The following DCLK2 variants were observed in gnomAD, a reference collection of about 807,000 sequenced individuals.
DCLK2 encodes doublecortin like kinase 2.
In DCLK2, 31 loss-of-function variants were observed where a neutral mutation model predicts 78.4. That is an observed-to-expected ratio of 0.40 (90% CI 0.30 to 0.53). DCLK2 has a LOEUF of 0.53. DCLK2 is among the 20% of genes least tolerant of loss of function. The pLI is 0.61. For missense variants in DCLK2, 872 were observed against 973.7 expected (o/e 0.90, Z 1.39); for synonymous variants, 407 against 374.9 (o/e 1.09, Z -0.99).
intron 2 of DCLK2, 29 bp downstream of exon 2, chr4:150,102,841 A>G: frequency 1.3e-6 from 2 of 1,558,688 alleles, no homozygotes; most frequent in Non-Finnish European, 8.6e-7. Flanking sequence ...CCAGCTCTCC[A>G]TCTGACTTTT....
chr4:150,158,267 C>T (rs1312610786), intron 2 of DCLK2, among the ~76,000 whole-genome samples: 1 of 152,132 alleles, frequency 6.6e-6, no homozygotes, highest in Non-Finnish European at 1.5e-5. Context: ...GGACACTGGT[C>T]ACATTGGATT....
intron 1 of DCLK2, among the ~76,000 whole-genome samples, chr4:150,091,972 C>T (rs1730114294): frequency 6.6e-6 from 1 of 152,122 alleles, no homozygotes; most frequent in Non-Finnish European, 1.5e-5. Flanking sequence ...CCCATTTTCT[C>T]TTCCCCTCAC....
chr4:150,200,931 C>T (rs1479466299), intron 4 of DCLK2, among the ~76,000 whole-genome samples: 2 of 152,206 alleles, frequency 1.3e-5, no homozygotes. Flanking sequence ...GATTCTCCTG[C>T]CTCAGCCTCC....
intron 4 of DCLK2, among the ~76,000 whole-genome samples, chr4:150,201,481 G>A (rs1739448164): frequency 6.6e-6 from 1 of 152,162 alleles, no homozygotes; most frequent in South Asian, 2.1e-4. Context: ...TAAAAACTTA[G>A]GGGACTATAT....
intron 2 of DCLK2, among the ~76,000 whole-genome samples, chr4:150,179,575 A>G (rs889137847): frequency 2.5e-4 from 38 of 152,218 alleles, no homozygotes; most frequent in Admixed American, 6.5e-5. Context: ...TATGCTAAAC[A>G]GACACCAAAA....
In DCLK2 at chr4:150,140,950, C is replaced by G. The variant is rs541297234; in HGVS notation, c.756+38138C>G. Among the ~76,000 whole-genome samples the G allele has an allele frequency of 3.3e-4, 50 of 152,208 alleles. 1 individual carries two copies. Among genetic ancestry groups the G allele is most frequent in the African/African-American group, 1.2e-3 (48 of 41,536 alleles). ...TTTCCTACAAAACAGTCTACCTAGC[C>G]AGGGGAAAGAATAATGCCACTTCAT... On this transcript the variant is annotated intron_variant, in intron 2 of 15. Transcript: ENST00000296550.
At chr4:150,094,491 G>A (rs565918426) in intron 1 of DCLK2, among the ~76,000 whole-genome samples, 4 of 152,308 alleles carry the variant, frequency 2.6e-5, no homozygotes, top group African/African-American at 9.6e-5. Context: ...GATACTGGTA[G>A]GTACTTGGTG....
At chr4:150,128,683 T>C (rs2150193553) in intron 2 of DCLK2, among the ~76,000 whole-genome samples, 1 of 152,246 alleles carries the variant, frequency 6.6e-6, no homozygotes, top group East Asian at 1.9e-4. Flanking sequence ...TTATTCCAGA[T>C]AGGAAGCAGA....
At chr4:150,112,694 C>T (rs181033664) in intron 2 of DCLK2, among the ~76,000 whole-genome samples, 47 of 151,774 alleles carry the variant, frequency 3.1e-4, no homozygotes, top group Non-Finnish European at 4.7e-4. Flanking sequence ...TTGAGATGCT[C>T]ATATTTTTTT....
Position 150,249,568 on chromosome 4 carries a change from G to T in DCLK2, c.1957G>T (p.Asp653Tyr). The change falls in exon 15 of 16, where the codon GAT (aspartate) becomes TAT (tyrosine). Residue 653 changes from aspartate (D) to tyrosine (Y), a missense_variant and splice_region_variant. Asp to Tyr is a radical substitution (Grantham distance 160, BLOSUM62 -3). Around this residue, in one of 3 missense-constraint regions of DCLK2, gnomAD observed 219 missense variants for 230.1 expected, o/e 0.95. Transcript: ENST00000296550. ...TATTTGATTGTTTTCTTTCCTGTAG[G>T]ATGATGCCTCCCAGGAGAATAACAT... The part of the protein sequence containing the change: ...GQILSHPWVS[D>Y]DASQENNMQA... The T allele has an allele frequency of 6.2e-7, 1 of 1,612,830 alleles. No individual in the cohort carries two copies. The highest frequency in any genetic ancestry group is 8.5e-7 in the Non-Finnish European group (1 of 1,179,158).
chr4:150,232,250 G>A, intron 8 of DCLK2, 87 bp from the exon 9 acceptor site: 2 of 1,499,054 alleles, frequency 1.3e-6, no homozygotes, highest in Non-Finnish European at 1.8e-6. Context: ...AGATCCACAG[G>A]CTGTGTTTGT....
At chr4:150,229,424 G>C (rs1347010697) in intron 8 of DCLK2, among the ~76,000 whole-genome samples, 3 of 152,170 alleles carry the variant, frequency 2.0e-5, no homozygotes, top group Admixed American at 1.3e-4. Context: ...TGGATTCAGA[G>C]GCCACCAAGG....
chr4:150,202,660 G>A (rs999358459), intron 4 of DCLK2, among the ~76,000 whole-genome samples: 5 of 151,914 alleles, frequency 3.3e-5, no homozygotes, highest in African/African-American at 7.3e-5. Context: ...AATAGTTGTC[G>A]CTCTCTCATC....
intron 2 of DCLK2, among the ~76,000 whole-genome samples, chr4:150,176,761 T>C (rs959550231): frequency 6.6e-6 from 1 of 152,156 alleles, no homozygotes. Flanking sequence ...TCTAATCTTA[T>C]GACATGAGTT....
intron 2 of DCLK2, among the ~76,000 whole-genome samples, chr4:150,153,952 C>T (rs148098316): frequency 6.6e-6 from 1 of 152,122 alleles, no homozygotes; most frequent in Non-Finnish European, 1.5e-5. Flanking sequence ...TCCATTCCAT[C>T]CCTTCCACCA....
At chr4:150,115,386 T>C (rs1416539966) in intron 2 of DCLK2, among the ~76,000 whole-genome samples, 1 of 152,232 alleles carries the variant, frequency 6.6e-6, no homozygotes, top group Non-Finnish European at 1.5e-5. Flanking sequence ...TATCTTATTT[T>C]GGATCCATTG....
intron 1 of DCLK2, among the ~76,000 whole-genome samples, chr4:150,084,783 C>T (rs1290853482): frequency 2.6e-5 from 4 of 152,150 alleles, no homozygotes; most frequent in Non-Finnish European, 4.4e-5. Context: ...CTGCTTTCTT[C>T]ATTGCTCGTG....
chr4:150,221,298 A>G (rs1333786117), intron 6 of DCLK2, among the ~76,000 whole-genome samples: 3 of 149,838 alleles, frequency 2.0e-5, no homozygotes, highest in Non-Finnish European at 4.4e-5. Flanking sequence ...TCCCACCACC[A>G]TCCTCTTCTC....
chr4:150,227,539 G>A (rs1432946121), intron 8 of DCLK2, among the ~76,000 whole-genome samples: 2 of 152,186 alleles, frequency 1.3e-5, no homozygotes, highest in Non-Finnish European at 2.9e-5. Context: ...CTACCAGGTG[G>A]TGAGAACAGT....
Sources: allele counts gnomAD v4.1 joint callset (sites outside exome capture counted in the v4.1 genomes callset), GRCh38; gene constraint gnomAD v4.1.1; regional missense constraint gnomAD v4.1.1; transcripts MANE v1.5; gene names NCBI Gene and HGNC (gene_info 2026-07-23, HGNC 2026-07-21).